The following ERBB4 variants were observed in gnomAD, a reference collection of about 807,000 sequenced individuals.
ERBB4 encodes the protein receptor tyrosine-protein kinase erbB-4.
In ERBB4, 42 loss-of-function variants were observed where a neutral mutation model predicts 158.0. That is an observed-to-expected ratio of 0.27 (90% CI 0.21 to 0.34). The LOEUF (loss-of-function observed/expected upper bound fraction) is 0.34, where lower values mean the gene tolerates loss of function less well. ERBB4 is among the 10% of genes least tolerant of loss of function. The probability of loss-of-function intolerance (pLI) is 1.00; values close to 1 mark genes in which losing one functional copy is unlikely to be tolerated. For missense variants in ERBB4, 1,333 were observed against 1,624.1 expected, an observed-to-expected ratio of 0.82 and a Z score of 3.08; for synonymous variants, 583 against 558.7, an observed-to-expected ratio of 1.04 and a Z score of -0.61.
Position 211,528,903 on chromosome 2 carries a change from A to G in ERBB4, c.2487+33000T>C, listed in dbSNP as rs922836378. Among the ~76,000 whole-genome samples, 5 of 152,040 alleles carry G rather than the reference A, an allele frequency of 3.3e-5. No individual in the cohort carries two copies. In the South Asian group the frequency reaches 1.0e-3, roughly 31 times the overall value. ...AGCTATAAGTCCCTACATAAAAAAG[A>G]GGCAAAACTTCAAGAAAATAACCTA... On this transcript the variant is annotated intron_variant, in intron 20 of 27. Coordinates refer to ENST00000342788, the MANE Select transcript of ERBB4 (RefSeq NM_005235.3).
chr2:212,455,486 C>T (rs1688244562), intron 1 of ERBB4, among the ~76,000 whole-genome samples: 1 of 152,036 alleles, frequency 6.6e-6, no homozygotes. Flanking sequence ...GGCTGTTGAG[C>T]ATGCAAAATG....
chr2:211,951,420 C>T (rs901340626), intron 2 of ERBB4, among the ~76,000 whole-genome samples: 3 of 151,820 alleles, frequency 2.0e-5, no homozygotes, highest in Admixed American at 6.6e-5. Flanking sequence ...TAGGTATGAA[C>T]CAAGAAAAAT....
rs899320189 is a variant in ERBB4 at position 212,379,819 on chromosome 2, A to ATG, written c.82+158628_82+158629dup. ...CTCTCCTCTGTGTGTGTGTGTGTGT[A>ATG]TGTGTGTGTGTGTCTGTGTGTGTGT... is the stretch of plus-strand genomic sequence containing the variant. On this transcript the variant is annotated intron_variant, in intron 1 of 27. Transcript: ENST00000342788. 8.3e-4 allele frequency among the ~76,000 whole-genome samples: 123 copies of ATG among 149,026 alleles called. 1 individual carries two copies. Among genetic ancestry groups the ATG allele is most frequent in the African/African-American group, 2.8e-3 (113 of 40,828 alleles).
At chr2:212,251,929 A>G (rs1164063620) in intron 1 of ERBB4, among the ~76,000 whole-genome samples, 2 of 152,014 alleles carry the variant, frequency 1.3e-5, no homozygotes, top group Non-Finnish European at 2.9e-5. Context: ...TCACAAGGGT[A>G]AAAACAAGAC....
At chr2:212,497,561 T>C (rs1690650375) in intron 1 of ERBB4, among the ~76,000 whole-genome samples, 1 of 152,148 alleles carries the variant, frequency 6.6e-6, no homozygotes, top group African/African-American at 2.4e-5. Flanking sequence ...TGATGTAAGT[T>C]CTCTGGATGA....
At chr2:211,463,970 G>C (rs981356043) in intron 20 of ERBB4, among the ~76,000 whole-genome samples, 1 of 152,112 alleles carries the variant, frequency 6.6e-6, no homozygotes, top group African/African-American at 2.4e-5. Flanking sequence ...TTTTGCATTT[G>C]TTCTTCCTTC....
At chr2:211,690,509 AG>A (rs2072765593) in intron 12 of ERBB4, among the ~76,000 whole-genome samples, 1 of 152,156 alleles carries the variant, frequency 6.6e-6, no homozygotes, top group African/African-American at 2.4e-5. Context: ...GTTTCGGGTC[AG>A]GGAAACAATA....
intron 1 of ERBB4, among the ~76,000 whole-genome samples, chr2:212,262,008 T>C (rs185133204): frequency 5.4e-4 from 82 of 152,248 alleles, no homozygotes; most frequent in East Asian, 1.7e-3. Context: ...ATCCAACAAA[T>C]ACCAACATTA....
At position 212,505,415 on chromosome 2, in the gene ERBB4, A is replaced by G. The variant is rs192367457; in HGVS notation, c.82+33034T>C. Among the ~76,000 whole-genome samples the G allele has an allele frequency of 1.5e-3, 228 of 149,870 alleles. 6 individuals carry two copies. Among genetic ancestry groups the G allele is most frequent in the African/African-American group, 5.3e-3 (219 of 41,470 alleles). ...CCCGGCCTGTTTCTCACTCTTGAAG[A>G]GAGTGAGTATTAAACATCAAGTGAG... On this transcript the variant is annotated intron_variant, in intron 1 of 27. Transcript: ENST00000342788.
At chr2:211,509,576 C>T (rs1007648147) in intron 20 of ERBB4, among the ~76,000 whole-genome samples, 1 of 151,728 alleles carries the variant, frequency 6.6e-6, no homozygotes, top group Non-Finnish European at 1.5e-5. Flanking sequence ...GTAATTACAA[C>T]AAAAACAAAA....
At chr2:212,518,379 G>T (rs1691957976) in intron 1 of ERBB4, among the ~76,000 whole-genome samples, 1 of 151,926 alleles carries the variant, frequency 6.6e-6, no homozygotes, top group Admixed American at 6.6e-5. Context: ...TTATGTCTCA[G>T]TTACAAATTA....
chr2:211,933,218 A>C (rs2080224493), intron 3 of ERBB4, among the ~76,000 whole-genome samples: 1 of 152,094 alleles, frequency 6.6e-6, no homozygotes, highest in African/African-American at 2.4e-5. Context: ...ACGACATGCA[A>C]TTTCTAAGTA....
At chr2:212,321,208 T>C (rs1026476974) in intron 1 of ERBB4, among the ~76,000 whole-genome samples, 2 of 150,450 alleles carry the variant, frequency 1.3e-5, no homozygotes, top group African/African-American at 2.4e-5. Flanking sequence ...CATCGTGTAA[T>C]TATGATATAT....
chr2:212,238,243 G>A lies in ERBB4; in HGVS notation c.83-113340C>T, dbSNP rs191689093. Among the ~76,000 whole-genome samples the A allele has an allele frequency of 3.6e-4, 55 of 152,308 alleles. No individual in the cohort carries two copies. The East Asian group carries it at 3.7e-3, about 10-fold the overall frequency. ...AGGGAATCTCCTGTTGTTGGGTTGC[G>A]AAGACTGTAGGAAAAGCATGCATTT... On this transcript the variant is annotated intron_variant, in intron 1 of 27. Coordinates refer to ENST00000342788, the MANE Select transcript of ERBB4 (RefSeq NM_005235.3).
At chr2:211,758,286 T>C (rs2075330538) in intron 4 of ERBB4, among the ~76,000 whole-genome samples, 1 of 152,182 alleles carries the variant, frequency 6.6e-6, no homozygotes, top group African/African-American at 2.4e-5. Flanking sequence ...TTCAGAATGC[T>C]TTAGGCTACT....
rs1182166687 is a variant in ERBB4, at chr2:212,163,996, A to ACC, written c.83-39095_83-39094dup. 3.9e-5 allele frequency among the ~76,000 whole-genome samples: 6 copies of ACC among 151,942 alleles called. No homozygotes were observed. In the South Asian group the frequency reaches 6.2e-4, roughly 16 times the overall value. On this transcript the variant is annotated intron_variant, in intron 1 of 27. Coordinates refer to ENST00000342788, the MANE Select transcript of ERBB4 (RefSeq NM_005235.3). The stretch of plus-strand genomic sequence containing the variant: ...TTTTATTTTTTGTAAAGATGGGGTC[A>ACC]CCCTATGTTGCCCAGGCTGGGTTTC...
chr2:211,926,377 C>T (rs776938849), intron 3 of ERBB4, among the ~76,000 whole-genome samples: 9 of 152,100 alleles, frequency 5.9e-5, no homozygotes, highest in Non-Finnish European at 1.0e-4. Context: ...CACACTTTAT[C>T]GTAGTACTTT....
intron 1 of ERBB4, among the ~76,000 whole-genome samples, chr2:212,350,053 A>G (rs890992237): frequency 2.0e-5 from 3 of 152,182 alleles, no homozygotes; most frequent in Admixed American, 2.0e-4. Context: ...ATGCTTAAAA[A>G]TTAACCTCTT....
chr2:211,791,531 A>G (rs937817292), intron 3 of ERBB4, among the ~76,000 whole-genome samples: 1 of 151,986 alleles, frequency 6.6e-6, no homozygotes, highest in East Asian at 1.9e-4. Context: ...AAAATGTTGA[A>G]TGCGTGAATG....
Sources: allele counts gnomAD v4.1 joint callset (sites outside exome capture counted in the v4.1 genomes callset), GRCh38; gene constraint gnomAD v4.1.1; transcripts MANE v1.5; gene names NCBI Gene and HGNC (gene_info 2026-07-23, HGNC 2026-07-21).